Variants in RPL7 observed in about 807,000 individuals in gnomAD.
The protein encoded by RPL7 is ribosomal protein L7, also known as large ribosomal subunit protein uL30.
For synonymous variants in RPL7, 100 were observed against 102.2 expected (o/e 0.98, Z 0.13); for missense variants, 205 against 301.9 (o/e 0.68, Z 2.38).
chr8:73,290,938 A>AT, intron 6 of RPL7, 105 bp downstream of exon 6: 1 of 857,376 alleles, frequency 1.2e-6, no homozygotes, highest in Non-Finnish European at 1.9e-6. Context: ...AAAAGCACTG[A>AT]TTAAAATTCA....
At chr8:73,291,361 A>C in intron 5 of RPL7, 109 bp from the exon 6 acceptor site, 1 of 947,926 alleles carries the variant, frequency 1.1e-6, no homozygotes, top group Non-Finnish European at 1.6e-6. Flanking sequence ...CCAGGAATAA[A>C]CAAGGTAAAT....
intron 2 of RPL7, 100 bp downstream of exon 2, chr8:73,292,585 TACTC>T (rs1450121886): frequency 8.7e-6 from 9 of 1,038,520 alleles, no homozygotes; most frequent in Middle Eastern, 3.0e-4. Flanking sequence ...GCTAAGCAAT[TACTC>T]AGTACAGTTA....
chr8:73,292,481 TACA>T lies in RPL7; in HGVS notation c.124-79_124-77del, dbSNP rs1161827841. ...CAATGCCAATCATTAAAAAGAAAAC[TACA>T]ACATGTTTCCTTTAAATCTTTTCTT... is the stretch of plus-strand genomic sequence containing the variant. On this transcript the variant is annotated intron_variant, in intron 2 of 6. Transcript: ENST00000352983. The T allele has an allele frequency of 8.2e-6, 11 of 1,344,432 alleles. No homozygotes were observed. In the Admixed American group the frequency reaches 1.0e-4, roughly 13 times the overall value. 83.3% of individuals were successfully genotyped at this position (1,344,432 alleles called of 1,614,324 possible). A position where few individuals can be genotyped will look rare whatever the true frequency, so the allele number is the denominator to read the frequency against.
At position 73,290,545 on chromosome 8, in the gene RPL7, G is replaced by T. The variant is rs1814072857; in HGVS notation, c.*162C>A. 6.5e-6 allele frequency: 1 copy of T among 153,188 alleles called. No homozygotes were observed. The highest frequency in any genetic ancestry group is 6.5e-5 in the Admixed American group (1 of 15,384). The allele number at this position is 153,188 out of a possible 1,614,324, so 9.5% of individuals were successfully genotyped here. On this transcript the variant is annotated 3_prime_UTR_variant, in exon 7 of 7. Transcript: ENST00000352983. ...TTGCACGAAATGGGCTGTTGATTTG[G>T]CTTAATTTTATCACACACCACACTT...
At chr8:73,292,022 A>C in intron 3 of RPL7, 112 bp from the exon 4 acceptor site, 2 of 1,369,934 alleles carry the variant, frequency 1.5e-6, no homozygotes, top group African/African-American at 1.4e-5. Flanking sequence ...GAATCCTCTC[A>C]TGTTACACAC....
chr8:73,291,185 T>C lies in RPL7; in HGVS notation c.606A>G (p.Lys202=). ...HEIYTVGKRF[K]EANNFLWPFK... is the part of the protein sequence containing the mutation. The stretch of plus-strand genomic sequence containing the variant: ...AGGGCCACAGGAAGTTATTTGCCTC[T>C]TTGAAGCGTTTTCCAACAGTATAGA... The change falls in exon 6 of 7, where the codon AAA becomes AAG. Residue 202 remains lysine (K), a synonymous_variant. Coordinates refer to ENST00000352983, the MANE Select transcript of RPL7 (RefSeq NM_000971.4). 1.2e-6 allele frequency: 2 copies of C among 1,609,584 alleles called. No homozygotes were observed. The highest frequency in any genetic ancestry group is 1.7e-6 in the Non-Finnish European group (2 of 1,176,028).
chr8:73,291,302 A>C, intron 5 of RPL7, 50 bp from the exon 6 acceptor site: 1 of 1,445,380 alleles, frequency 6.9e-7, no homozygotes, highest in South Asian at 1.2e-5. Flanking sequence ...AAAAGTTTTG[A>C]AATAATTATT....
chr8:73,293,916 C>T, upstream of RPL7: 1 of 366,810 alleles, frequency 2.7e-6, no homozygotes, highest in Non-Finnish European at 5.2e-6. Flanking sequence ...GGATTAGGCT[C>T]CGTTCCTCCC....
Sources: allele counts gnomAD v4.1 joint callset, GRCh38; gene constraint gnomAD v4.1.1; transcripts MANE v1.5; gene names NCBI Gene and HGNC (gene_info 2026-07-23, HGNC 2026-07-21).